MIPOL1: variants seen among roughly 807,000 people sequenced by gnomAD.
MIPOL1 encodes mirror-image polydactyly 1.
MIPOL1 carries 57 observed loss-of-function variants against 60.9 expected under a neutral mutation model. The ratio of observed to expected loss-of-function variants is 0.94; its 90% CI spans 0.76 to 1.17. The LOEUF is 1.17. MIPOL1 is among the 50% of genes most tolerant of loss of function. MIPOL1 has a pLI of 0.00. For synonymous variants in MIPOL1, 179 were observed against 168.8 expected, an observed-to-expected ratio of 1.06 and a Z score of -0.47; for missense variants, 551 against 511.6, an observed-to-expected ratio of 1.08 and a Z score of -0.74.
chr14:37,228,460 C>T (rs1354751051), intron 1 of MIPOL1, among the ~76,000 whole-genome samples: 1 of 150,234 alleles, frequency 6.7e-6, no homozygotes, highest in African/African-American at 2.4e-5. Flanking sequence ...AGGACAAAAA[C>T]TCCAACCTTA....
At chr14:37,415,380 T>C (rs2093747689) in intron 10 of MIPOL1, among the ~76,000 whole-genome samples, 1 of 152,038 alleles carries the variant, frequency 6.6e-6, no homozygotes, top group African/African-American at 2.4e-5. Context: ...CCCAGCACTT[T>C]GGGAGGCCGA....
chr14:37,381,740 G>A (rs1454136512), intron 10 of MIPOL1, among the ~76,000 whole-genome samples: 1 of 148,650 alleles, frequency 6.7e-6, no homozygotes, highest in Non-Finnish European at 1.5e-5. Flanking sequence ...ACACTTCTGT[G>A]CCCTGCTAAT....
intron 6 of MIPOL1, among the ~76,000 whole-genome samples, chr14:37,284,517 G>A (rs2084385773): frequency 6.6e-6 from 1 of 151,868 alleles, no homozygotes; most frequent in South Asian, 2.1e-4. Flanking sequence ...CTAATTTTTT[G>A]TATTTTTAGT....
rs1230140439 is a variant in MIPOL1, at chr14:37,268,609, A to C, written c.252-49A>C. The C allele has an allele frequency of 2.8e-6, 4 of 1,447,248 alleles. No individual in the cohort carries two copies. The East Asian group carries it at 7.7e-5, about 28-fold the overall frequency. The allele number at this position is 1,447,248 out of a possible 1,614,324, so 89.7% of individuals were successfully genotyped here. On this transcript the variant is annotated intron_variant, in intron 4 of 12. Transcript: ENST00000684589. Reference sequence around the variant, plus strand: ...TCTCAAGTAGCATACAAAATGTCAAAAAATTAGTTTATCTTACTCTGAAAT... The same window carrying C: ...TCTCAAGTAGCATACAAAATGTCAACAAATTAGTTTATCTTACTCTGAAAT...
At chr14:37,266,410 C>T (rs1015048625) in intron 3 of MIPOL1, among the ~76,000 whole-genome samples, 2 of 152,086 alleles carry the variant, frequency 1.3e-5, no homozygotes, top group African/African-American at 2.4e-5. Flanking sequence ...TATAATGAAA[C>T]TCTTAAAATC....
intron 6 of MIPOL1, among the ~76,000 whole-genome samples, chr14:37,284,226 A>G (rs1456636094): frequency 6.6e-6 from 1 of 151,992 alleles, no homozygotes; most frequent in Non-Finnish European, 1.5e-5. Context: ...GCATTGTCCT[A>G]TTTTATTCTT....
intron 9 of MIPOL1, among the ~76,000 whole-genome samples, chr14:37,342,842 A>G (rs2090672700): frequency 6.6e-6 from 1 of 151,886 alleles, no homozygotes. Flanking sequence ...AAGTTCACTC[A>G]TTTTTCTTTG....
intron 1 of MIPOL1, among the ~76,000 whole-genome samples, chr14:37,245,015 C>G (rs920218393): frequency 6.6e-6 from 1 of 151,908 alleles, no homozygotes; most frequent in African/African-American, 2.4e-5. Context: ...TGTCTGAATC[C>G]AAATTCATAA....
chr14:37,224,566 A>C (rs1479124410), intron 1 of MIPOL1, among the ~76,000 whole-genome samples: 2 of 152,156 alleles, frequency 1.3e-5, no homozygotes, highest in African/African-American at 4.8e-5. Context: ...AGACTTATTC[A>C]CTACAACTGG....
At chr14:37,345,542 GT>G (rs1201159605) in intron 9 of MIPOL1, among the ~76,000 whole-genome samples, 21 of 152,266 alleles carry the variant, frequency 1.4e-4, no homozygotes, top group Admixed American at 1.2e-3. Context: ...TGGCCTCTGA[GT>G]TTTTTCTAAG....
chr14:37,393,575 GA>G (rs2093302747), intron 10 of MIPOL1, among the ~76,000 whole-genome samples: 1 of 151,896 alleles, frequency 6.6e-6, no homozygotes, highest in African/African-American at 2.4e-5. Flanking sequence ...CAGGTTTAAA[GA>G]AAAGCATATA....
intron 7 of MIPOL1, among the ~76,000 whole-genome samples, chr14:37,287,196 T>G (rs1743208716): frequency 6.6e-6 from 1 of 150,642 alleles, no homozygotes; most frequent in South Asian, 2.1e-4. Flanking sequence ...TGACTATATA[T>G]GTATATATGT....
At chr14:37,323,595 C>G (rs2088838112) in intron 9 of MIPOL1, among the ~76,000 whole-genome samples, 1 of 151,828 alleles carries the variant, frequency 6.6e-6, no homozygotes, top group Non-Finnish European at 1.5e-5. Context: ...TTTTTATTTG[C>G]TCACAATTTT....
chr14:37,503,191 C>A (rs1051034839), intron 12 of MIPOL1: 1 of 152,182 alleles, frequency 6.6e-6, no homozygotes, highest in Non-Finnish European at 1.5e-5. Context: ...GAACACTCTT[C>A]AGGATATTAT....
chr14:37,490,392 TG>T (rs1336150926), intron 11 of MIPOL1, among the ~76,000 whole-genome samples: 4 of 152,068 alleles, frequency 2.6e-5, no homozygotes, highest in African/African-American at 9.7e-5. Flanking sequence ...CTGGGCTCCG[TG>T]GGGGTGTGAC....
At chr14:37,309,880 G>A (rs1595062342) in intron 9 of MIPOL1, among the ~76,000 whole-genome samples, 2 of 151,934 alleles carry the variant, frequency 1.3e-5, no homozygotes, top group East Asian at 1.9e-4. Flanking sequence ...GTAGAGATAG[G>A]GTTTTGCCAT....
chr14:37,233,736 G>C lies in MIPOL1; in HGVS notation c.-198-13367G>C, dbSNP rs530275749. 2.0e-5 allele frequency among the ~76,000 whole-genome samples: 3 copies of C among 152,282 alleles called. 1 individual carries two copies. Among genetic ancestry groups the C allele is most frequent in the African/African-American group, 7.2e-5 (3 of 41,552 alleles). ...GAATGAGCAGGAGCATTGCTGTGGG[G>C]GAGGAGGCCTCTCTGGTGAAGCTTT... On this transcript the variant is annotated intron_variant, in intron 1 of 12. Coordinates refer to ENST00000684589, the MANE Select transcript of MIPOL1 (RefSeq NM_001388067.1).
chr14:37,270,065 G>T (rs745488005), intron 5 of MIPOL1, among the ~76,000 whole-genome samples: 42 of 152,058 alleles, frequency 2.8e-4, no homozygotes, highest in Admixed American at 1.5e-3. Context: ...CTGACCTCAG[G>T]TGATCTGCCC....
At chr14:37,476,001 A>G (rs1428239344) in intron 11 of MIPOL1, among the ~76,000 whole-genome samples, 1 of 152,228 alleles carries the variant, frequency 6.6e-6, no homozygotes, top group Admixed American at 6.5e-5. Context: ...GCACAGATCA[A>G]TTGGTAAGAA....
Sources: gnomAD v4.1 joint callset for allele counts (sites outside exome capture counted in the v4.1 genomes callset) on GRCh38, gnomAD v4.1.1 for gene constraint, MANE v1.5 for transcripts, NCBI Gene and HGNC (gene_info 2026-07-23, HGNC 2026-07-21) for gene names.